UNC80: variants seen among roughly 807,000 people sequenced by gnomAD.
UNC80 encodes the protein protein unc-80 homolog.
A neutral mutation model predicts 384.6 loss-of-function variants in UNC80; 164 were observed. That is an observed-to-expected ratio of 0.43 (90% CI 0.38 to 0.49). The LOEUF (loss-of-function observed/expected upper bound fraction) is 0.49, where lower values mean the gene tolerates loss of function less well. UNC80 is among the 20% of genes least tolerant of loss of function. The probability of loss-of-function intolerance (pLI) is 0.00; values close to 1 mark genes in which losing one functional copy is unlikely to be tolerated. For synonymous variants in UNC80, 1,486 were observed against 1,527.8 expected (o/e 0.97, Z 0.64); for missense variants, 3,330 against 4,143.0 (o/e 0.80, Z 5.39).
At chr2:209,792,940 TATGGTC>T (rs1365665073) in intron 6 of UNC80, among the ~76,000 whole-genome samples, 1 of 152,228 alleles carries the variant, frequency 6.6e-6, no homozygotes. Flanking sequence ...TAAAGAATTT[TATGGTC>T]AACTTCAGAA....
At chr2:209,779,502 A>C (rs1354216450) in intron 4 of UNC80, among the ~76,000 whole-genome samples, 1 of 152,106 alleles carries the variant, frequency 6.6e-6, no homozygotes, top group African/African-American at 2.4e-5. Flanking sequence ...GTTAGCACTT[A>C]CAAGTACCTG....
chr2:209,993,481 C>T, intron 63 of UNC80, 55 bp downstream of exon 63: 1 of 1,473,552 alleles, frequency 6.8e-7, no homozygotes, highest in Non-Finnish European at 9.2e-7. Flanking sequence ...CCATGCAACT[C>T]ACCCAGGAAG....
At position 209,943,497 on chromosome 2, in the gene UNC80, C is replaced by T. The variant is rs1243265338; in HGVS notation, c.7033C>T (p.Pro2345Ser). The T allele has an allele frequency of 2.6e-6, 4 of 1,551,508 alleles. No individual in the cohort carries two copies. The highest frequency in any genetic ancestry group is 3.5e-6 in the Non-Finnish European group (4 of 1,146,936). ...FVLQLFASVA[P>S]LLEFPDAANN... ...GCTCCAGCTGTTTGCTAGTGTGGCC[C>T]CTCTCCTGGAATTTCCTGTAAGTAA... The change falls in exon 45 of 65, where the codon CCT (proline) becomes TCT (serine). Residue 2345 changes from proline to serine, a missense_variant. Pro to Ser is a moderately conservative substitution (Grantham distance 74). Transcript: ENST00000673920.
At chr2:209,988,441 A>AT (rs2093332644) in intron 61 of UNC80, among the ~76,000 whole-genome samples, 1 of 152,146 alleles carries the variant, frequency 6.6e-6, no homozygotes, top group South Asian at 2.1e-4. Flanking sequence ...AGCGATATGA[A>AT]TTTTTATTGC....
At chr2:209,876,313 C>G (rs955992407) in intron 23 of UNC80, among the ~76,000 whole-genome samples, 10 of 152,154 alleles carry the variant, frequency 6.6e-5, no homozygotes, top group African/African-American at 2.2e-4. Flanking sequence ...AACAAAGGTA[C>G]TAGTGTACTA....
At chr2:209,884,586 A>G (rs2085602407) in intron 25 of UNC80, among the ~76,000 whole-genome samples, 1 of 152,220 alleles carries the variant, frequency 6.6e-6, no homozygotes, top group African/African-American at 2.4e-5. Flanking sequence ...TATCATAAAG[A>G]TACATACATG....
chr2:209,863,602 A>ATCCTTTC (rs2083493266), intron 22 of UNC80, among the ~76,000 whole-genome samples: 1 of 151,570 alleles, frequency 6.6e-6, no homozygotes, highest in South Asian at 2.1e-4. Flanking sequence ...AAACTTTGAT[A>ATCCTTTC]TCCTTTCTTC....
In UNC80 at chr2:209,834,088, G is replaced by C. The variant is rs2081180919; in HGVS notation, c.2862G>C (p.Leu954=). The C allele has an allele frequency of 6.4e-7, 1 of 1,551,698 alleles. No homozygotes were observed. The highest frequency in any genetic ancestry group is 8.7e-7 in the Non-Finnish European group (1 of 1,146,976). The change falls in exon 17 of 65, where the codon CTG becomes CTC. Residue 954 remains leucine, a synonymous_variant. Coordinates refer to ENST00000673920, the MANE Select transcript of UNC80 (RefSeq NM_001371986.1). ...NVFRRVALSA[L]LDSAEKLAPG... is the part of the protein sequence containing the mutation. ...TCAGGAGAGTGGCCCTCAGCGCTCT[G>C]CTTGACAGTGCCGAGAAGTTAGCAC...
chr2:209,807,046 G>A (rs961931067), intron 7 of UNC80, among the ~76,000 whole-genome samples: 2 of 152,120 alleles, frequency 1.3e-5, no homozygotes, highest in African/African-American at 4.8e-5. Flanking sequence ...ATTCTTTTCT[G>A]TCATAACATG....
At chr2:209,993,924 C>A in intron 63 of UNC80, 141 bp from the exon 64 acceptor site, 1 of 712,798 alleles carries the variant, frequency 1.4e-6, no homozygotes, top group Non-Finnish European at 2.2e-6. Flanking sequence ...AATGTTCAAA[C>A]GTGCTCTCAT....
intron 13 of UNC80, among the ~76,000 whole-genome samples, chr2:209,822,118 G>A (rs996871309): frequency 1.3e-5 from 2 of 152,010 alleles, no homozygotes; most frequent in Non-Finnish European, 2.9e-5. Context: ...CAATATTTGT[G>A]GACTCTGATC....
rs1041088884 is a variant in UNC80 at position 209,998,444 on chromosome 2, G to T, written c.*2849G>T. 1.3e-5 allele frequency: 2 copies of T among 152,318 alleles called. No homozygotes were observed. The highest frequency in any genetic ancestry group is 3.8e-4 in the East Asian group (2 of 5,208). The allele number at this position is 152,318 out of a possible 1,614,324, so 9.4% of individuals were successfully genotyped here. A position where few individuals can be genotyped will look rare whatever the true frequency, so the allele number is the denominator to read the frequency against. On this transcript the variant is annotated 3_prime_UTR_variant, in exon 65 of 65. Coordinates refer to ENST00000673920, the MANE Select transcript of UNC80 (RefSeq NM_001371986.1). ...AAAATCAAAGGGCATAAATGGGCAT[G>T]GCAGTGCTGGTGGAAAAATCTGTGG...
intron 7 of UNC80, among the ~76,000 whole-genome samples, chr2:209,798,073 TG>T (rs1390925876): frequency 2.0e-5 from 3 of 152,244 alleles, no homozygotes; most frequent in Admixed American, 2.0e-4. Flanking sequence ...TTTTGTCAGA[TG>T]GGTAGATTGG....
chr2:209,799,422 T>A (rs1033354847), intron 7 of UNC80, among the ~76,000 whole-genome samples: 2 of 152,220 alleles, frequency 1.3e-5, no homozygotes, highest in African/African-American at 4.8e-5. Context: ...CACATTGATT[T>A]TGTATACTGA....
intron 48 of UNC80, among the ~76,000 whole-genome samples, chr2:209,957,082 T>C (rs910689214): frequency 6.6e-5 from 10 of 152,216 alleles, no homozygotes; most frequent in African/African-American, 2.4e-4. Context: ...TAAAATGAGA[T>C]GATTCAAATC....
In UNC80 at chr2:209,995,443, C is replaced by T; in HGVS notation, c.9823C>T (p.Leu3275Phe). ...QLSDPDDFTGLETSSLLQHGD... is the reference protein window; with the variant it reads ...QLSDPDDFTGFETSSLLQHGD... ...CTCTGACCCTGATGACTTCACAGGC[C>T]TCGAGACATCCAGCCTCCTACAGCA... Residue 3275 changes from leucine (L) to phenylalanine (F), a missense_variant, in exon 65 of 65, where the codon CTC (leucine) becomes TTC (phenylalanine). This residue lies in a region of UNC80 where 236 missense variants were observed against 254.9 expected (regional missense o/e 0.93). Transcript: ENST00000673920. 1 of 1,551,890 alleles carries T rather than the reference C, an allele frequency of 6.4e-7. No individual in the cohort carries two copies. The highest frequency in any genetic ancestry group is 1.4e-5 in the African/African-American group (1 of 73,174).
At chr2:209,805,524 T>G (rs922954961) in intron 7 of UNC80, among the ~76,000 whole-genome samples, 3 of 152,232 alleles carry the variant, frequency 2.0e-5, no homozygotes, top group Non-Finnish European at 4.4e-5. Flanking sequence ...TGCAGGTATC[T>G]GAAGGCTTGA....
At chr2:209,851,630 A>T (rs1027850909) in intron 22 of UNC80, among the ~76,000 whole-genome samples, 3 of 152,182 alleles carry the variant, frequency 2.0e-5, no homozygotes, top group Middle Eastern at 3.4e-3. Flanking sequence ...CCCTTTTTCC[A>T]ATGAAGATTG....
chr2:209,866,527 C>CACACACACACACAT lies in UNC80; in HGVS notation c.3628-6224_3628-6223insCACACATACACACA, dbSNP rs774958486. 2.0e-3 allele frequency among the ~76,000 whole-genome samples: 183 copies of CACACACACACACAT among 90,904 alleles called. 2 individuals carry two copies. Among genetic ancestry groups the CACACACACACACAT allele is most frequent in the East Asian group, 0.013 (42 of 3,198 alleles). 59.6% of individuals were successfully genotyped at this position (90,904 alleles called of 152,430 possible). Reference sequence around the variant, plus strand: ...ACACACACACACACACACACACACACACACACAGAGAGAGAGAGAGAGAGA... The same window carrying CACACACACACACAT: ...ACACACACACACACACACACACACACACACACACACACATACACACAGAGAGAGAGAGAGAGAGA... On this transcript the variant is annotated intron_variant, in intron 22 of 64. Coordinates refer to ENST00000673920, the MANE Select transcript of UNC80 (RefSeq NM_001371986.1).
Sources: gnomAD v4.1 joint callset for allele counts (sites outside exome capture counted in the v4.1 genomes callset) on GRCh38, gnomAD v4.1.1 for gene constraint, gnomAD v4.1.1 regional missense constraint, MANE v1.5 for transcripts, NCBI Gene and HGNC (gene_info 2026-07-23, HGNC 2026-07-21) for gene names.